The following LRP1B variants were observed in gnomAD, a reference collection of about 807,000 sequenced individuals.
LRP1B encodes low-density lipoprotein receptor-related protein 1B.
A neutral mutation model predicts 556.6 loss-of-function variants in LRP1B; 217 were observed. That is an observed-to-expected ratio of 0.39 (90% CI 0.35 to 0.44). The LOEUF (loss-of-function observed/expected upper bound fraction) is 0.44. LRP1B is among the 20% of genes least tolerant of loss of function. The pLI, the probability that LRP1B is intolerant of heterozygous loss-of-function variation, is 1.00. For synonymous variants in LRP1B, 2,047 were observed against 1,865.8 expected (o/e 1.10, Z -2.50); for missense variants, 5,053 against 5,620.8 (o/e 0.90, Z 3.23).
intron 83 of LRP1B, among the ~76,000 whole-genome samples, chr2:140,302,517 T>C (rs1683879235): frequency 6.6e-6 from 1 of 152,226 alleles, no homozygotes; most frequent in Admixed American, 6.5e-5. Flanking sequence ...GTTCATTTCA[T>C]GTGTCAACTA....
intron 1 of LRP1B, among the ~76,000 whole-genome samples, chr2:141,846,328 A>G (rs1244537706): frequency 6.6e-6 from 1 of 151,692 alleles, no homozygotes; most frequent in African/African-American, 2.4e-5. Context: ...TAAATTAAAA[A>G]GAAGAAATTG....
At chr2:141,842,887 G>C (rs1030127984) in intron 1 of LRP1B, among the ~76,000 whole-genome samples, 1 of 152,008 alleles carries the variant, frequency 6.6e-6, no homozygotes, top group Non-Finnish European at 1.5e-5. Flanking sequence ...TTTTGCTAGA[G>C]GGTTACAATA....
At chr2:141,344,955 G>A (rs573581319) in intron 3 of LRP1B, among the ~76,000 whole-genome samples, 79 of 152,234 alleles carry the variant, frequency 5.2e-4, no homozygotes, top group African/African-American at 1.8e-3. Flanking sequence ...TGCAGATGGA[G>A]CTAACATTGC....
At position 140,874,571 on chromosome 2, in the gene LRP1B, G is replaced by A. The variant is rs186329700; in HGVS notation, c.4170-6308C>T. 1.2e-3 allele frequency among the ~76,000 whole-genome samples: 183 copies of A among 151,764 alleles called. 2 individuals are homozygous for A. Among genetic ancestry groups the A allele is most frequent in the African/African-American group, 4.1e-3 (169 of 41,404 alleles). On this transcript the variant is annotated intron_variant, in intron 25 of 90. Transcript: ENST00000389484. ...TATGGTTTATCAAAACAACTCCTAT[G>A]TCATTATTATTAAGTTTTGGTTTGC...
At chr2:140,566,496 G>C (rs535050914) in intron 43 of LRP1B, among the ~76,000 whole-genome samples, 1 of 152,226 alleles carries the variant, frequency 6.6e-6, no homozygotes, top group South Asian at 2.1e-4. Context: ...CTGGAGTTGA[G>C]CACTGCCTCC....
intron 2 of LRP1B, among the ~76,000 whole-genome samples, chr2:141,712,741 C>T (rs1245069784): frequency 6.6e-6 from 1 of 151,814 alleles, no homozygotes; most frequent in Non-Finnish European, 1.5e-5. Flanking sequence ...GTGATCTTGG[C>T]TCACTGCAAC....
chr2:140,369,838 C>T, intron 71 of LRP1B, among the ~76,000 whole-genome samples: 1 of 151,796 alleles, frequency 6.6e-6, no homozygotes. Context: ...ATACATAAAC[C>T]TAGAGTGCAC....
At chr2:140,889,974 CAT>C (rs1181236395) in intron 23 of LRP1B, among the ~76,000 whole-genome samples, 3 of 152,062 alleles carry the variant, frequency 2.0e-5, no homozygotes, top group Admixed American at 6.6e-5. Context: ...TTTACTACAA[CAT>C]AGTTTGATAT....
At chr2:140,387,686 T>G in intron 66 of LRP1B, among the ~76,000 whole-genome samples, 1 of 152,140 alleles carries the variant, frequency 6.6e-6, no homozygotes, top group East Asian at 1.9e-4. Context: ...TTATGTCCAC[T>G]TTGTCTGTGT....
At chr2:141,079,250 C>T (rs535623971) in intron 7 of LRP1B, among the ~76,000 whole-genome samples, 4 of 152,242 alleles carry the variant, frequency 2.6e-5, no homozygotes, top group Admixed American at 6.5e-5. Flanking sequence ...GAAAAGGAGT[C>T]AGTTGTCTCT....
At chr2:141,747,865 G>A (rs1287285887) in intron 2 of LRP1B, among the ~76,000 whole-genome samples, 2 of 152,028 alleles carry the variant, frequency 1.3e-5, no homozygotes, top group Admixed American at 1.3e-4. Context: ...CCTAATTCAA[G>A]GCAAAGAGAT....
chr2:141,779,240 C>T (rs1484860281), intron 2 of LRP1B, among the ~76,000 whole-genome samples: 1 of 152,064 alleles, frequency 6.6e-6, no homozygotes, highest in Non-Finnish European at 1.5e-5. Flanking sequence ...AATCCTGGTT[C>T]TAAAATTCCC....
rs185190233 is a variant in LRP1B at position 141,968,522 on chromosome 2, C to T, written c.83-158121G>A. Among the ~76,000 whole-genome samples, 24 of 151,560 alleles carry T rather than the reference C, an allele frequency of 1.6e-4. No individual in the cohort carries two copies. In the East Asian group the frequency reaches 3.1e-3, roughly 20 times the overall value. On this transcript the variant is annotated intron_variant, in intron 1 of 90. Transcript: ENST00000389484. ...TGTAAATATGCAAAATAAGAAATTA[C>T]CTAAGACATGATTTTATGACTGCTG...
rs538778066 is a variant in LRP1B, at chr2:141,957,369, C to T, written c.83-146968G>A. On this transcript the variant is annotated intron_variant, in intron 1 of 90. Transcript: ENST00000389484. ...AGATTAGCAAATAGTCTGGATGGTT[C>T]GTGTTTGTGTGTGTGGGGGGGGGGG... 1.7e-4 allele frequency among the ~76,000 whole-genome samples: 15 copies of T among 87,664 alleles called. No individual in the cohort carries two copies. The East Asian group carries it at 5.9e-3, about 34-fold the overall frequency. 57.5% of individuals were successfully genotyped at this position (87,664 alleles called of 152,430 possible). A position where few individuals can be genotyped will look rare whatever the true frequency, so the allele number is the denominator to read the frequency against.
At chr2:140,562,135 G>T (rs1680953901) in intron 43 of LRP1B, among the ~76,000 whole-genome samples, 1 of 151,938 alleles carries the variant, frequency 6.6e-6, no homozygotes, top group Non-Finnish European at 1.5e-5. Context: ...AATACCTAGT[G>T]GTGGTGGTGA....
chr2:141,463,636 A>ATAATTATG, intron 3 of LRP1B, among the ~76,000 whole-genome samples: 1 of 128,418 alleles, frequency 7.8e-6, no homozygotes, highest in African/African-American at 3.1e-5. Flanking sequence ...ATATTATTAT[A>ATAATTATG]TATTATATAT....
In LRP1B at chr2:140,719,549, T is replaced by C. The variant is rs778558783; in HGVS notation, c.5759-2733A>G. Among the ~76,000 whole-genome samples, 7 of 152,226 alleles carry C rather than the reference T, an allele frequency of 4.6e-5. No homozygotes were observed. In the South Asian group the frequency reaches 6.2e-4, roughly 14 times the overall value. ...ACATCTTGAACATATCTTTGTCATA[T>C]TGAACTGAAATTGCATTTTTGCATT... On this transcript the variant is annotated intron_variant, in intron 35 of 90. Coordinates refer to ENST00000389484, the MANE Select transcript of LRP1B (RefSeq NM_018557.3).
At position 140,971,096 on chromosome 2, in the gene LRP1B, A is replaced by T. The variant is rs114236357; in HGVS notation, c.2887+11064T>A. Among the ~76,000 whole-genome samples, 1,124 of 152,258 alleles carry T rather than the reference A, an allele frequency of 7.4e-3. 10 individuals are homozygous for T. Among genetic ancestry groups the T allele is most frequent in the African/African-American group, 0.024 (990 of 41,548 alleles). On this transcript the variant is annotated intron_variant, in intron 18 of 90. Transcript: ENST00000389484. ...CAATGATGACATTTTTTGTGCTAAT[A>T]ACCTTAACCAACATCCTTCAAAAGA...
chr2:141,801,225 T>C (rs1244143123), intron 2 of LRP1B, among the ~76,000 whole-genome samples: 2 of 152,134 alleles, frequency 1.3e-5, no homozygotes, highest in African/African-American at 4.8e-5. Context: ...TTCTACTGTT[T>C]TCCTCAGAAA....
Sources: gnomAD v4.1 joint callset for allele counts (sites outside exome capture counted in the v4.1 genomes callset) on GRCh38, gnomAD v4.1.1 for gene constraint, MANE v1.5 for transcripts, NCBI Gene and HGNC (gene_info 2026-07-23, HGNC 2026-07-21) for gene names.